Variants in LRP1B observed in about 807,000 individuals in gnomAD.
The protein encoded by LRP1B is LDL receptor related protein 1B.
A neutral mutation model predicts 556.6 loss-of-function variants in LRP1B; 217 were observed. That is an observed-to-expected ratio of 0.39 (90% CI 0.35 to 0.44). The LOEUF (loss-of-function observed/expected upper bound fraction) is 0.44. Among genes scored for constraint, LRP1B ranks in the 20% least tolerant of loss-of-function variants. LRP1B has a pLI of 1.00. For synonymous variants in LRP1B, 2,047 were observed against 1,865.8 expected (o/e 1.10, Z -2.50); for missense variants, 5,053 against 5,620.8 (o/e 0.90, Z 3.23).
At chr2:140,744,498 C>A (rs555065055) in intron 35 of LRP1B, among the ~76,000 whole-genome samples, 1 of 152,292 alleles carries the variant, frequency 6.6e-6, no homozygotes, top group East Asian at 1.9e-4. Flanking sequence ...TCAAGCTCCA[C>A]ACAAACGTGA....
Position 141,019,943 on chromosome 2 carries a change from A to G in LRP1B, c.1949T>C (p.Ile650Thr). The G allele has an allele frequency of 1.9e-6, 3 of 1,604,360 alleles. No homozygotes were observed. Among genetic ancestry groups the G allele is most frequent in the Non-Finnish European group, 2.6e-6 (3 of 1,174,754 alleles). ...ATACCCATTAACTGGATCCACCACA[A>G]TTCCTCTGGGATGAGACATTTCACC... Reference protein sequence around the residue: ...LEGEMSHPRGIVVDPVNGWMY... With the variant: ...LEGEMSHPRGTVVDPVNGWMY... Residue 650 changes from isoleucine (I) to threonine (T), a missense_variant, in exon 12 of 91, where the codon ATT (isoleucine) becomes ACT (threonine). Coordinates refer to ENST00000389484, the MANE Select transcript of LRP1B (RefSeq NM_018557.3).
chr2:141,137,539 A>G (rs1701520769), intron 7 of LRP1B, among the ~76,000 whole-genome samples: 2 of 152,114 alleles, frequency 1.3e-5, no homozygotes, highest in South Asian at 4.1e-4. Flanking sequence ...ATACACTGTG[A>G]AATGCCTAAC....
At chr2:140,462,685 C>T (rs930172478) in intron 60 of LRP1B, among the ~76,000 whole-genome samples, 7 of 152,184 alleles carry the variant, frequency 4.6e-5, no homozygotes, top group African/African-American at 1.7e-4. Flanking sequence ...AGTCAGCTTT[C>T]TGGCACAGGA....
intron 2 of LRP1B, among the ~76,000 whole-genome samples, chr2:141,506,228 G>C (rs1683930976): frequency 6.6e-6 from 1 of 152,118 alleles, no homozygotes; most frequent in Non-Finnish European, 1.5e-5. Flanking sequence ...GAATAAAGAA[G>C]TGAATATTGT....
rs56379304 is a variant in LRP1B at position 141,729,496 on chromosome 2, T to G, written c.205+80783A>C. On this transcript the variant is annotated intron_variant, in intron 2 of 90. Coordinates refer to ENST00000389484, the MANE Select transcript of LRP1B (RefSeq NM_018557.3). ...TATGAAGAGCTAAAATCAGAAATTATACATCAGGGGGTTAGACTGTACATT... is the reference window on the plus strand; with the variant it reads ...TATGAAGAGCTAAAATCAGAAATTAGACATCAGGGGGTTAGACTGTACATT... 7.4e-3 allele frequency among the ~76,000 whole-genome samples: 1,121 copies of G among 152,226 alleles called. 21 individuals carry two copies. The highest frequency in any genetic ancestry group is 0.026 in the African/African-American group (1,071 of 41,548).
chr2:140,410,745 C>G (rs951226050), intron 66 of LRP1B, among the ~76,000 whole-genome samples: 1 of 152,142 alleles, frequency 6.6e-6, no homozygotes. Context: ...TTACTACAAA[C>G]AGCAAAGAAA....
chr2:140,774,387 G>A (rs1028123069), intron 33 of LRP1B, among the ~76,000 whole-genome samples: 2 of 152,090 alleles, frequency 1.3e-5, no homozygotes, highest in Non-Finnish European at 2.9e-5. Flanking sequence ...GTTAACAGGA[G>A]TAAAGTACAC....
intron 43 of LRP1B, 136 bp downstream of exon 43, chr2:140,598,491 ATTAG>A (rs1410503340): frequency 3.1e-6 from 2 of 649,736 alleles, no homozygotes; most frequent in African/African-American, 3.7e-5. Context: ...TGTGTGATAG[ATTAG>A]TTATTCAATT....
intron 2 of LRP1B, among the ~76,000 whole-genome samples, chr2:141,611,053 A>G (rs968146277): frequency 4.6e-5 from 7 of 152,180 alleles, no homozygotes; most frequent in Admixed American, 4.6e-4. Context: ...ACAAGTGAGC[A>G]AGGAAGGATC....
chr2:140,624,723 C>A (rs1405173632), intron 41 of LRP1B, among the ~76,000 whole-genome samples: 2 of 152,094 alleles, frequency 1.3e-5, no homozygotes, highest in African/African-American at 4.8e-5. Context: ...CTATTTCCAT[C>A]AGGTCCATTG....
chr2:140,506,861 G>A lies in LRP1B; in HGVS notation c.8456C>T (p.Pro2819Leu), dbSNP rs1689438773. 2 of 1,613,746 alleles carry A rather than the reference G, an allele frequency of 1.2e-6. No homozygotes were observed. The highest frequency in any genetic ancestry group is 1.7e-5 in the Admixed American group (1 of 59,970). The change falls in exon 53 of 91, where the codon CCC (proline) becomes CTC (leucine). Residue 2819 changes from proline to leucine, a missense_variant. By Grantham distance (98) the Pro-to-Leu change is moderately conservative. Coordinates refer to ENST00000389484, the MANE Select transcript of LRP1B (RefSeq NM_018557.3). ...AFMCHNKVCI[P>L]KQFVCDHDDD... ...ATCATGGTCACAAACAAATTGCTTG[G>A]GAATGCATACTTTATTATGGCACAT...
intron 77 of LRP1B, among the ~76,000 whole-genome samples, chr2:140,336,075 C>T (rs141558834): frequency 2.0e-5 from 3 of 152,084 alleles, no homozygotes; most frequent in African/African-American, 7.2e-5. Context: ...TTAACCATTA[C>T]TCTGCTGAAA....
chr2:141,038,790 G>A (rs979063719), intron 11 of LRP1B, among the ~76,000 whole-genome samples: 3 of 152,052 alleles, frequency 2.0e-5, no homozygotes, highest in African/African-American at 7.2e-5. Flanking sequence ...AATTCCTAAA[G>A]GACTTCTGAA....
At chr2:140,800,869 T>A (rs1275213422) in intron 32 of LRP1B, among the ~76,000 whole-genome samples, 1 of 152,208 alleles carries the variant, frequency 6.6e-6, no homozygotes, top group East Asian at 1.9e-4. Context: ...TTCCTCTTAC[T>A]CATTTTCTCC....
intron 66 of LRP1B, among the ~76,000 whole-genome samples, chr2:140,388,117 A>G (rs575122057): frequency 2.0e-5 from 3 of 151,884 alleles, no homozygotes; most frequent in Non-Finnish European, 4.4e-5. Context: ...TTGTATTTTT[A>G]GTAGAGACAG....
At chr2:140,646,184 ATTAATT>A (rs1334206586) in intron 41 of LRP1B, among the ~76,000 whole-genome samples, 1 of 152,148 alleles carries the variant, frequency 6.6e-6, no homozygotes, top group East Asian at 1.9e-4. Flanking sequence ...TCTCTCATCC[ATTAATT>A]GTTTCTTTTC....
At chr2:141,740,882 C>T (rs1428303023) in intron 2 of LRP1B, among the ~76,000 whole-genome samples, 1 of 152,032 alleles carries the variant, frequency 6.6e-6, no homozygotes, top group Non-Finnish European at 1.5e-5. Context: ...CTTTTTTGTA[C>T]CCATTAACCA....
At chr2:141,482,518 A>G (rs1315403735) in intron 2 of LRP1B, among the ~76,000 whole-genome samples, 1 of 152,036 alleles carries the variant, frequency 6.6e-6, no homozygotes, top group African/African-American at 2.4e-5. Flanking sequence ...GTGTGTGTGC[A>G]TATATATTAA....
intron 1 of LRP1B, among the ~76,000 whole-genome samples, chr2:142,127,485 T>A (rs1295496657): frequency 6.6e-6 from 1 of 151,910 alleles, no homozygotes; most frequent in Non-Finnish European, 1.5e-5. Flanking sequence ...CAATTCACAT[T>A]CTTTCTTATT....
Sources: allele counts gnomAD v4.1 joint callset (sites outside exome capture counted in the v4.1 genomes callset), GRCh38; gene constraint gnomAD v4.1.1; transcripts MANE v1.5; gene names NCBI Gene and HGNC (gene_info 2026-07-23, HGNC 2026-07-21).